UBAP2: variants seen among roughly 807,000 people sequenced by gnomAD.
UBAP2 encodes the protein ubiquitin associated protein 2.
A neutral mutation model predicts 139.6 loss-of-function variants in UBAP2; 75 were observed. That is an observed-to-expected ratio of 0.54 (90% CI 0.45 to 0.65). UBAP2 has a LOEUF of 0.65. UBAP2 is among the 30% of genes least tolerant of loss of function. The probability of loss-of-function intolerance (pLI) is 0.00; values close to 1 mark genes in which losing one functional copy is unlikely to be tolerated. For synonymous variants in UBAP2, 526 were observed against 526.2 expected, an observed-to-expected ratio of 1.00 and a Z score of 0.01; for missense variants, 1,368 against 1,369.6, an observed-to-expected ratio of 1.00 and a Z score of 0.02.
intron 22 of UBAP2, among the ~76,000 whole-genome samples, chr9:33,925,337 C>G (rs1054410406): frequency 2.6e-5 from 4 of 152,166 alleles, no homozygotes; most frequent in Admixed American, 6.5e-5. Context: ...AGAGAAAGCC[C>G]AGAAGGGGGA....
At chr9:34,034,317 C>T (rs954368780) in intron 1 of UBAP2, among the ~76,000 whole-genome samples, 2 of 152,108 alleles carry the variant, frequency 1.3e-5, no homozygotes, top group African/African-American at 4.8e-5. Context: ...ATATCAAGTC[C>T]TGGTTTTTCT....
At chr9:33,995,516 A>C (rs1822110637) in intron 4 of UBAP2, 2 of 117,406 alleles carry the variant, frequency 1.7e-5, no homozygotes, top group Non-Finnish European at 3.4e-5. Context: ...TATATTATTA[A>C]ATATATAAAT....
intron 1 of UBAP2, among the ~76,000 whole-genome samples, chr9:34,039,368 T>C (rs1247228727): frequency 6.6e-6 from 1 of 152,150 alleles, no homozygotes; most frequent in Admixed American, 6.5e-5. Flanking sequence ...AACTGCTCAT[T>C]GAGAACGGGC....
intron 6 of UBAP2, among the ~76,000 whole-genome samples, chr9:33,982,746 T>C (rs149832163): frequency 1.3e-5 from 2 of 152,314 alleles, no homozygotes; most frequent in Non-Finnish European, 2.9e-5. Context: ...TTTATTTATT[T>C]GGGGTTTATT....
chr9:34,048,991 C>T (rs1827883606), upstream of UBAP2: 1 of 152,262 alleles, frequency 6.6e-6, no homozygotes, highest in Non-Finnish European at 1.5e-5. Flanking sequence ...TGCGCGGCTT[C>T]AGAGTCAGCC....
At chr9:34,024,458 T>C (rs193170810) in intron 1 of UBAP2, among the ~76,000 whole-genome samples, 1 of 152,296 alleles carries the variant, frequency 6.6e-6, no homozygotes, top group African/African-American at 2.4e-5. Context: ...TTCTGTCAGT[T>C]GTGCCTCTCC....
intron 1 of UBAP2, among the ~76,000 whole-genome samples, chr9:34,021,774 C>T (rs1478437263): frequency 1.3e-5 from 2 of 151,982 alleles, no homozygotes; most frequent in Non-Finnish European, 2.9e-5. Context: ...GCTGGGACTA[C>T]AGACGCCTGC....
intron 1 of UBAP2, among the ~76,000 whole-genome samples, chr9:34,045,209 G>A (rs1028148422): frequency 2.0e-5 from 3 of 151,842 alleles, no homozygotes; most frequent in Non-Finnish European, 4.4e-5. Context: ...AGCCGGGCGT[G>A]GCGGCAGGCG....
chr9:33,948,719 C>T, intron 12 of UBAP2, 132 bp from the exon 13 acceptor site: 2 of 663,074 alleles, frequency 3.0e-6, no homozygotes, highest in Non-Finnish European at 4.9e-6. Flanking sequence ...TAAAATATAA[C>T]TTAGAAAATA....
chr9:34,037,686 C>T (rs1251239153), intron 1 of UBAP2, among the ~76,000 whole-genome samples: 3 of 151,934 alleles, frequency 2.0e-5, no homozygotes, highest in South Asian at 2.1e-4. Context: ...ACCTGACTGG[C>T]AATTATATCT....
intron 2 of UBAP2, among the ~76,000 whole-genome samples, chr9:34,014,101 G>A (rs1212287060): frequency 6.6e-6 from 1 of 151,736 alleles, no homozygotes; most frequent in Admixed American, 6.6e-5. Flanking sequence ...GGGGGGGACA[G>A]ATCACTTGAG....
intron 1 of UBAP2, among the ~76,000 whole-genome samples, chr9:34,041,940 G>A (rs905993330): frequency 3.3e-5 from 5 of 151,726 alleles, no homozygotes; most frequent in African/African-American, 4.8e-5. Flanking sequence ...AAGGAGAATC[G>A]CTTGAACCCG....
intron 1 of UBAP2, among the ~76,000 whole-genome samples, chr9:34,045,308 T>C (rs1004768976): frequency 4.7e-5 from 7 of 147,910 alleles, no homozygotes; most frequent in African/African-American, 1.8e-4. Flanking sequence ...ATTGCACCAC[T>C]GCACTCCAAT....
intron 1 of UBAP2, among the ~76,000 whole-genome samples, chr9:34,047,314 G>A (rs777416531): frequency 2.0e-5 from 3 of 152,164 alleles, no homozygotes; most frequent in Non-Finnish European, 4.4e-5. Flanking sequence ...TCTGCCTAAT[G>A]ATAAGAGAAG....
chr9:33,961,132 A>T (rs2062889196), intron 9 of UBAP2, among the ~76,000 whole-genome samples: 1 of 152,192 alleles, frequency 6.6e-6, no homozygotes, highest in Admixed American at 6.5e-5. Flanking sequence ...CATAACCTCA[A>T]ATCAGTGTTT....
intron 16 of UBAP2, 129 bp from the exon 17 acceptor site, chr9:33,936,007 A>C: frequency 9.6e-7 from 1 of 1,037,932 alleles, no homozygotes; most frequent in Non-Finnish European, 1.4e-6. Flanking sequence ...ATTTTTTAAT[A>C]AAGGGAAGAT....
chr9:33,984,768 C>T (rs1821064254), intron 6 of UBAP2, among the ~76,000 whole-genome samples: 1 of 152,004 alleles, frequency 6.6e-6, no homozygotes, highest in South Asian at 2.1e-4. Flanking sequence ...CACTAAACAT[C>T]AATAAAATAC....
At chr9:33,983,037 C>T (rs1820905009) in intron 6 of UBAP2, among the ~76,000 whole-genome samples, 1 of 151,986 alleles carries the variant, frequency 6.6e-6, no homozygotes, top group African/African-American at 2.4e-5. Context: ...GCCACCATAC[C>T]CAGCTAATTT....
intron 11 of UBAP2, among the ~76,000 whole-genome samples, chr9:33,955,418 C>G (rs2130985110): frequency 6.7e-6 from 1 of 148,840 alleles, no homozygotes; most frequent in Admixed American, 6.7e-5. Flanking sequence ...ACTTGGGAGG[C>G]TGAGGCAGAA....
Sources: gnomAD v4.1 joint callset for allele counts (sites outside exome capture counted in the v4.1 genomes callset) on GRCh38, gnomAD v4.1.1 for gene constraint, MANE v1.5 for transcripts, NCBI Gene and HGNC (gene_info 2026-07-23, HGNC 2026-07-21) for gene names.